Variants in MYO9B observed in about 807,000 individuals in gnomAD.
MYO9B encodes myosin IXB, also known as unconventional myosin-IXb.
In MYO9B, 71 loss-of-function variants were observed where a neutral mutation model predicts 229.5. The observed-to-expected ratio is 0.31, with a 90% CI of 0.26 to 0.38. MYO9B has a LOEUF of 0.38. Among genes scored for constraint, MYO9B ranks in the 10% least tolerant of loss-of-function variants. The pLI is 1.00. For synonymous variants in MYO9B, 1,185 were observed against 1,235.8 expected, an observed-to-expected ratio of 0.96 and a Z score of 0.86; for missense variants, 2,255 against 2,920.5, an observed-to-expected ratio of 0.77 and a Z score of 5.25.
chr19:17,200,371 T>C lies in MYO9B; in HGVS notation c.4317T>C (p.Asn1439=). Residue 1439 remains asparagine (N), a synonymous_variant, in exon 25 of 40, where the codon AAT becomes AAC. Transcript: ENST00000682292. ...TGGAGGGCGCAGAGGAGCTGGAGAATGCAGTGTCCGGGCACGTGGTGCTGG... is the reference window on the plus strand; with the variant it reads ...TGGAGGGCGCAGAGGAGCTGGAGAACGCAGTGTCCGGGCACGTGGTGCTGG... ...YSLEGAEELE[N]AVSGHVVLEA... is the part of the protein sequence containing the mutation. 6.2e-7 allele frequency: 1 copy of C among 1,607,606 alleles called. No individual in the cohort carries two copies. Among genetic ancestry groups the C allele is most frequent in the Non-Finnish European group, 8.5e-7 (1 of 1,176,762 alleles).
chr19:17,119,149 T>C (rs996505964), intron 2 of MYO9B, among the ~76,000 whole-genome samples: 2 of 152,186 alleles, frequency 1.3e-5, no homozygotes, highest in African/African-American at 4.8e-5. Flanking sequence ...TGCCTCCTGA[T>C]CTCTCACGCC....
intron 2 of MYO9B, among the ~76,000 whole-genome samples, chr19:17,113,635 G>A (rs1375725888): frequency 1.3e-5 from 2 of 152,140 alleles, no homozygotes; most frequent in Admixed American, 6.5e-5. Context: ...AGGTCCCTGA[G>A]GGGGGTGAGC....
chr19:17,135,011 A>G (rs1203170371), intron 2 of MYO9B, among the ~76,000 whole-genome samples: 1 of 151,828 alleles, frequency 6.6e-6, no homozygotes, highest in Non-Finnish European at 1.5e-5. Flanking sequence ...TGATCTGCCC[A>G]CCCCGGCCTC....
chr19:17,202,285 C>T lies in MYO9B; in HGVS notation c.4818C>T (p.Asn1606=), dbSNP rs16981678. 2,084 of 1,566,418 alleles carry T rather than the reference C, an allele frequency of 1.3e-3. 21 individuals are homozygous for T. The African/African-American group carries it at 0.025, about 19-fold the overall frequency. ...LDEFTRGYTK[N]DFEPVKQSKA... The stretch of plus-strand genomic sequence containing the variant: ...AGTTCACCCGTGGCTACACCAAGAA[C>T]GACTTCGAGCCAGTGAAGGTGGGCA... The change falls in exon 28 of 40, where the codon AAC becomes AAT. Residue 1606 remains asparagine, a synonymous_variant. Coordinates refer to ENST00000682292, the MANE Select transcript of MYO9B (RefSeq NM_004145.4).
rs374387496 is a variant in MYO9B, at chr19:17,102,154, C to T, written c.437C>T (p.Ala146Val). 4.4e-5 allele frequency: 71 copies of T among 1,613,638 alleles called. No homozygotes were observed. The highest frequency in any genetic ancestry group is 1.2e-4 in the Admixed American group (7 of 60,014). The change falls in exon 2 of 40, where the codon GCG becomes GTG. Residue 146 changes from alanine to valine, a missense_variant. By Grantham distance (64) the Ala-to-Val change is moderately conservative. This residue lies in a region of MYO9B where 386 missense variants were observed against 515.2 expected (regional missense o/e 0.75). Transcript: ENST00000682292. ...CGTGGCCTCCTGCCACGGCAGCAGG[C>T]GGACTTTGATGACCTGTGTAACCTC... is the stretch of plus-strand genomic sequence containing the variant. Reference protein sequence around the residue: ...VERGLLPRQQADFDDLCNLPE... With the variant: ...VERGLLPRQQVDFDDLCNLPE...
At chr19:17,125,303 C>CT (rs1022986995) in intron 2 of MYO9B, among the ~76,000 whole-genome samples, 3 of 137,798 alleles carry the variant, frequency 2.2e-5, no homozygotes, top group East Asian at 4.2e-4. Context: ...CCCATCCCCC[C>CT]CCCCCCAAAA....
chr19:17,207,185 G>T lies in MYO9B; in HGVS notation c.5565G>T (p.Leu1855=). 6.2e-7 allele frequency: 1 copy of T among 1,604,460 alleles called. No individual in the cohort carries two copies. The highest frequency in any genetic ancestry group is 2.3e-5 in the East Asian group (1 of 44,354). Reference sequence around the variant, plus strand: ...CCATTATCTTCGCACCCTGCCTCCTGCGCTGCCCTGACAACTCGGACCCGC... The same window carrying T: ...CCATTATCTTCGCACCCTGCCTCCTTCGCTGCCCTGACAACTCGGACCCGC... The part of the protein sequence containing the change: ...ALAIIFAPCL[L]RCPDNSDPLT... Residue 1855 remains leucine, a synonymous_variant, in exon 35 of 40, where the codon CTG becomes CTT. Coordinates refer to ENST00000682292, the MANE Select transcript of MYO9B (RefSeq NM_004145.4).
chr19:17,092,866 CTG>C (rs949526960), intron 1 of MYO9B, among the ~76,000 whole-genome samples: 19 of 151,910 alleles, frequency 1.3e-4, no homozygotes, highest in African/African-American at 4.4e-4. Context: ...CATGTGTGTG[CTG>C]TGTTTATATG....
intron 31 of MYO9B, 77 bp from the exon 32 acceptor site, chr19:17,205,883 G>A (rs1463332171): frequency 2.1e-6 from 3 of 1,404,142 alleles, no homozygotes; most frequent in African/African-American, 2.9e-5. Flanking sequence ...TGCGGGACCA[G>A]GAGGCAGAGG....
In MYO9B at chr19:17,192,802, G is replaced by A; in HGVS notation, c.2868G>A (p.Val956=). Residue 956 remains valine, a synonymous_variant, in exon 21 of 40, where the codon GTG becomes GTA. Coordinates refer to ENST00000682292, the MANE Select transcript of MYO9B (RefSeq NM_004145.4). ...QALQETLHRE[V]VRKILLLQSW... ...TGCAGGAGACGCTGCACCGGGAGGT[G>A]GTGCGGAAAATCCTGCTGCTGCAGA... 1.3e-6 allele frequency: 2 copies of A among 1,558,402 alleles called. No individual in the cohort carries two copies. The highest frequency in any genetic ancestry group is 1.7e-6 in the Non-Finnish European group (2 of 1,151,868).
intron 1 of MYO9B, among the ~76,000 whole-genome samples, chr19:17,076,327 G>A (rs947748036): frequency 6.6e-6 from 1 of 151,980 alleles, no homozygotes; most frequent in Non-Finnish European, 1.5e-5. Context: ...TGAAGGAAGG[G>A]TGTCTGAGAA....
In MYO9B at chr19:17,211,973, G is replaced by C; in HGVS notation, c.6137G>C (p.Arg2046Pro). Residue 2046 changes from arginine to proline, a missense_variant, in exon 40 of 40, where the codon CGA (arginine) becomes CCA (proline). By Grantham distance (103) the Arg-to-Pro change is moderately radical (BLOSUM62 -2). Coordinates refer to ENST00000682292, the MANE Select transcript of MYO9B (RefSeq NM_004145.4). ...CCCACCGTGGCCGCCCCTCCACGAC[G>C]AAGGCCGTCGTCCTTCGTAACGGTC... is the stretch of plus-strand genomic sequence containing the variant. The part of the protein sequence containing the change: ...PLPTVAAPPR[R>P]RPSSFVTVRV... 1 of 1,242,334 alleles carries C rather than the reference G, an allele frequency of 8.0e-7. No individual in the cohort carries two copies. The highest frequency in any genetic ancestry group is 1.1e-6 in the Non-Finnish European group (1 of 936,680). 77.0% of individuals were successfully genotyped at this position (1,242,334 alleles called of 1,614,324 possible).
intron 20 of MYO9B, 116 bp from the exon 21 acceptor site, chr19:17,192,630 G>A: frequency 1.5e-6 from 1 of 653,926 alleles, no homozygotes; most frequent in Non-Finnish European, 2.3e-6. Flanking sequence ...ATAAAGCCCT[G>A]GTTGGTCAGC....
At chr19:17,183,717 C>T (rs995634785) in intron 15 of MYO9B, 112 bp from the exon 16 acceptor site, 9 of 866,884 alleles carry the variant, frequency 1.0e-5, no homozygotes. Context: ...CTCACTCTCT[C>T]CCCTCTCTCT....
chr19:17,165,574 C>CT (rs1431642959), intron 10 of MYO9B, among the ~76,000 whole-genome samples: 3 of 149,568 alleles, frequency 2.0e-5, no homozygotes, highest in Admixed American at 6.7e-5. Context: ...GACCCTGTCT[C>CT]TAAAAAAAAA....
intron 14 of MYO9B, among the ~76,000 whole-genome samples, chr19:17,176,184 C>T (rs746864694): frequency 7.9e-5 from 12 of 152,280 alleles, no homozygotes; most frequent in Non-Finnish European, 1.5e-4. Context: ...CACCCGCCAC[C>T]ACACCCGGCT....
At position 17,207,225 on chromosome 19, in the gene MYO9B, G is replaced by T. The variant is rs1477715510; in HGVS notation, c.5605G>T (p.Asp1869Tyr). ...DNSDPLTSMK[D>Y]VLKITTCVEM... ...CTCGGACCCGCTGACCAGCATGAAG[G>T]ACGTCCTCAAGATCACCACGTGAGT... Residue 1869 changes from aspartate to tyrosine, a missense_variant, in exon 35 of 40, where the codon GAC becomes TAC. Physicochemically the swap from Asp to Tyr is radical, Grantham distance 160. Around this residue, in one of 7 missense-constraint regions of MYO9B, gnomAD observed 416 missense variants for 605.5 expected, o/e 0.69. Transcript: ENST00000682292. 1 of 1,598,460 alleles carries T rather than the reference G, an allele frequency of 6.3e-7. No homozygotes were observed. Among genetic ancestry groups the T allele is most frequent in the East Asian group, 2.3e-5 (1 of 44,092 alleles).
chr19:17,091,338 G>T (rs943811141), intron 1 of MYO9B, among the ~76,000 whole-genome samples: 1 of 152,224 alleles, frequency 6.6e-6, no homozygotes, highest in Non-Finnish European at 1.5e-5. Flanking sequence ...CAATCCCCCT[G>T]CCTCGGCCTC....
intron 1 of MYO9B, among the ~76,000 whole-genome samples, chr19:17,080,783 C>T (rs547798164): frequency 6.6e-6 from 1 of 152,028 alleles, no homozygotes; most frequent in Non-Finnish European, 1.5e-5. Context: ...ACAGACAGAT[C>T]GCTTGAGCCT....
Sources: gnomAD v4.1 joint callset for allele counts (sites outside exome capture counted in the v4.1 genomes callset) on GRCh38, gnomAD v4.1.1 for gene constraint, gnomAD v4.1.1 regional missense constraint, MANE v1.5 for transcripts, NCBI Gene and HGNC (gene_info 2026-07-23, HGNC 2026-07-21) for gene names.